The following LHFPL3 variants were observed in gnomAD, a reference collection of about 807,000 sequenced individuals.
LHFPL3 encodes LHFPL tetraspan subfamily member 3.
A neutral mutation model predicts 19.3 loss-of-function variants in LHFPL3; 5 were observed. The ratio of observed to expected loss-of-function variants is 0.26; its 90% confidence interval spans 0.14 to 0.54. The LOEUF is 0.54. Among genes scored for constraint, LHFPL3 ranks in the 20% least tolerant of loss-of-function variants. LHFPL3 has a pLI of 0.94. For missense variants in LHFPL3, 249 were observed against 307.4 expected, an observed-to-expected ratio of 0.81 and a Z score of 1.42; for synonymous variants, 133 against 126.2, an observed-to-expected ratio of 1.05 and a Z score of -0.36.
At chr7:104,607,512 C>T (rs530027231) in intron 1 of LHFPL3, among the ~76,000 whole-genome samples, 8 of 152,282 alleles carry the variant, frequency 5.3e-5, no homozygotes, top group African/African-American at 1.7e-4. Flanking sequence ...TTTAATATTT[C>T]CTCTATAAGT....
At chr7:104,890,188 A>G (rs1330096534) in intron 2 of LHFPL3, among the ~76,000 whole-genome samples, 3 of 152,176 alleles carry the variant, frequency 2.0e-5, no homozygotes, top group Non-Finnish European at 4.4e-5. Context: ...CTTATAGTCT[A>G]GCTACTCAAG....
At chr7:104,532,216 A>T (rs1164065721) in intron 1 of LHFPL3, among the ~76,000 whole-genome samples, 1 of 151,566 alleles carries the variant, frequency 6.6e-6, no homozygotes, top group Non-Finnish European at 1.5e-5. Context: ...TCCTGGGCTC[A>T]AGCCATCCTC....
intron 1 of LHFPL3, among the ~76,000 whole-genome samples, chr7:104,573,744 C>G (rs28737288): frequency 1.9e-3 from 288 of 152,322 alleles, no homozygotes; most frequent in African/African-American, 6.7e-3. Context: ...TCCTGATAAA[C>G]AGGTGGTTAG....
intron 1 of LHFPL3, among the ~76,000 whole-genome samples, chr7:104,404,461 T>A (rs916749123): frequency 5.3e-5 from 8 of 152,234 alleles, no homozygotes. Context: ...CAATTTTTAC[T>A]GAAGTAAAAT....
At chr7:104,742,072 A>C (rs1270867887) in intron 2 of LHFPL3, among the ~76,000 whole-genome samples, 1 of 152,234 alleles carries the variant, frequency 6.6e-6, no homozygotes, top group African/African-American at 2.4e-5. Context: ...TGAACTGTGA[A>C]GTCAATTTAA....
chr7:104,575,127 T>C (rs750406133), intron 1 of LHFPL3, among the ~76,000 whole-genome samples: 4 of 152,220 alleles, frequency 2.6e-5, no homozygotes, highest in Non-Finnish European at 4.4e-5. Context: ...AGGTTAAGAA[T>C]ATTTTGCAAA....
At chr7:104,706,627 A>G (rs1793195129) in intron 1 of LHFPL3, among the ~76,000 whole-genome samples, 1 of 152,242 alleles carries the variant, frequency 6.6e-6, no homozygotes, top group Non-Finnish European at 1.5e-5. Context: ...CCTAAGTATC[A>G]GAACTTACTG....
chr7:104,486,314 G>T (rs957196556), intron 1 of LHFPL3, among the ~76,000 whole-genome samples: 26 of 152,086 alleles, frequency 1.7e-4, no homozygotes, highest in Non-Finnish European at 2.9e-5. Context: ...TGTACTTTCT[G>T]CTTTCTTCTT....
chr7:104,409,155 C>T (rs927544550), intron 1 of LHFPL3, among the ~76,000 whole-genome samples: 6 of 151,654 alleles, frequency 4.0e-5, no homozygotes, highest in Non-Finnish European at 8.8e-5. Context: ...GGATTAGAGG[C>T]GTGAGCCACG....
chr7:104,396,169 G>T (rs1385979916), intron 1 of LHFPL3, among the ~76,000 whole-genome samples: 2 of 152,128 alleles, frequency 1.3e-5, no homozygotes, highest in East Asian at 3.8e-4. Context: ...ACACTAAGAG[G>T]GACCAACTGT....
At chr7:104,631,544 T>G (rs56069642) in intron 1 of LHFPL3, among the ~76,000 whole-genome samples, 1,820 of 152,304 alleles carry the variant, frequency 0.012, 31 homozygotes, top group African/African-American at 0.042. Flanking sequence ...GGAGGGTGAT[T>G]GTTAGTTTGC....
chr7:104,893,660 C>T lies in LHFPL3; in HGVS notation c.683-12527C>T, dbSNP rs142882248. 1.8e-3 allele frequency among the ~76,000 whole-genome samples: 280 copies of T among 152,116 alleles called. 2 individuals are homozygous for T. The highest frequency in any genetic ancestry group is 6.4e-3 in the African/African-American group (264 of 41,496). ...AGCATTTACAAACATTTATTAAATG[C>T]TATTCACTGGGCTCAGTGCAGTGGC... On this transcript the variant is annotated intron_variant, in intron 2 of 2. Transcript: ENST00000424859.
chr7:104,902,584 C>T (rs1207175238), intron 2 of LHFPL3, among the ~76,000 whole-genome samples: 3 of 151,640 alleles, frequency 2.0e-5, no homozygotes, highest in Admixed American at 1.3e-4. Context: ...CTCAGGAGTT[C>T]GAGACCAGCC....
intron 1 of LHFPL3, among the ~76,000 whole-genome samples, chr7:104,504,968 T>A (rs548413334): frequency 6.6e-6 from 1 of 152,234 alleles, no homozygotes; most frequent in East Asian, 1.9e-4. Flanking sequence ...AAACTCACAC[T>A]GCTTGTGTAT....
At chr7:104,877,051 T>C (rs1287787760) in intron 2 of LHFPL3, among the ~76,000 whole-genome samples, 1 of 152,116 alleles carries the variant, frequency 6.6e-6, no homozygotes, top group Non-Finnish European at 1.5e-5. Flanking sequence ...CCACATGTTC[T>C]CACTAATAGG....
intron 2 of LHFPL3, among the ~76,000 whole-genome samples, chr7:104,847,887 A>G (rs1791340734): frequency 6.6e-6 from 1 of 152,234 alleles, no homozygotes; most frequent in African/African-American, 2.4e-5. Context: ...TTCAGATATC[A>G]AGTTTAGCCG....
intron 2 of LHFPL3, among the ~76,000 whole-genome samples, chr7:104,887,131 A>G (rs1277377696): frequency 6.6e-6 from 1 of 152,228 alleles, no homozygotes; most frequent in African/African-American, 2.4e-5. Context: ...TCCCACAAAG[A>G]TGGGCACTGA....
At chr7:104,901,345 C>T (rs1353328580) in intron 2 of LHFPL3, among the ~76,000 whole-genome samples, 1 of 152,140 alleles carries the variant, frequency 6.6e-6, no homozygotes, top group African/African-American at 2.4e-5. Context: ...TATTATTATT[C>T]AGCCTAAGAG....
intron 1 of LHFPL3, among the ~76,000 whole-genome samples, chr7:104,384,440 C>T (rs940947963): frequency 6.6e-6 from 1 of 151,964 alleles, no homozygotes. Context: ...GTCAGAGCAG[C>T]TATCTGTAAG....
Sources: allele counts gnomAD v4.1 joint callset (sites outside exome capture counted in the v4.1 genomes callset), GRCh38; gene constraint gnomAD v4.1.1; transcripts MANE v1.5; gene names NCBI Gene and HGNC (gene_info 2026-07-23, HGNC 2026-07-21).